The following PARD3 variants were observed in gnomAD, a reference collection of about 807,000 sequenced individuals.
PARD3 encodes the protein partitioning defective 3 homolog.
PARD3 carries 75 observed loss-of-function variants against 155.4 expected under a neutral mutation model. The ratio of observed to expected loss-of-function variants is 0.48; its 90% CI spans 0.40 to 0.58. PARD3 has a LOEUF of 0.58. Ranked by LOEUF, PARD3 falls within the 20% of genes least tolerant of loss-of-function variation. The pLI, the probability that PARD3 is intolerant of heterozygous loss-of-function variation, is 0.00. For synonymous variants in PARD3, 576 were observed against 610.5 expected, an observed-to-expected ratio of 0.94 and a Z score of 0.83; for missense variants, 1,642 against 1,721.7, an observed-to-expected ratio of 0.95 and a Z score of 0.82.
intron 2 of PARD3, among the ~76,000 whole-genome samples, chr10:34,647,955 AC>A (rs1364956191): frequency 6.6e-6 from 1 of 152,186 alleles, no homozygotes; most frequent in African/African-American, 2.4e-5. Context: ...GTGCAGTGAG[AC>A]CCCTGACATT....
At chr10:34,594,779 C>G (rs528900772) in intron 2 of PARD3, among the ~76,000 whole-genome samples, 4 of 152,202 alleles carry the variant, frequency 2.6e-5, no homozygotes, top group Admixed American at 2.6e-4. Context: ...CTATAGCAAA[C>G]ATCATACCAC....
chr10:34,506,317 T>C (rs994185935), intron 3 of PARD3, among the ~76,000 whole-genome samples: 1 of 152,104 alleles, frequency 6.6e-6, no homozygotes, highest in Non-Finnish European at 1.5e-5. Context: ...AGTTATGCCA[T>C]GAGTACAGAA....
intron 3 of PARD3, among the ~76,000 whole-genome samples, chr10:34,477,776 T>C (rs904538556): frequency 6.6e-6 from 1 of 152,254 alleles, no homozygotes; most frequent in African/African-American, 2.4e-5. Context: ...TCAAGGTATT[T>C]AATCGAATCT....
In PARD3 at chr10:34,111,507, A is replaced by G; in HGVS notation, c.3724T>C (p.Ser1242Pro). Residue 1242 changes from serine (S) to proline (P), a missense_variant, in exon 25 of 25, where the codon TCC (serine) becomes CCC (proline). By Grantham distance (74) the Ser-to-Pro change is moderately conservative. Around this residue, in one of 3 missense-constraint regions of PARD3, gnomAD observed 1,529 missense variants for 1,587.3 expected, o/e 0.96. Coordinates refer to ENST00000374788, the MANE Select transcript of PARD3 (RefSeq NM_001184785.2). ...VSQDSWEQNY[S>P]PGEGFQSAKE... ...GCACTCTGGAAGCCTTCCCCAGGGG[A>G]GTAGTTCTGCTCCCAAGAGTCCTGG... The G allele has an allele frequency of 6.2e-7, 1 of 1,613,668 alleles. No individual in the cohort carries two copies. The highest frequency in any genetic ancestry group is 8.5e-7 in the Non-Finnish European group (1 of 1,179,800).
chr10:34,686,389 A>G (rs964157171), intron 2 of PARD3, among the ~76,000 whole-genome samples: 2 of 152,034 alleles, frequency 1.3e-5, no homozygotes, highest in African/African-American at 4.8e-5. Context: ...CTATCCACCA[A>G]AGGCACTTCC....
At chr10:34,186,233 G>A (rs1374947120) in intron 22 of PARD3, among the ~76,000 whole-genome samples, 1 of 151,930 alleles carries the variant, frequency 6.6e-6, no homozygotes, top group African/African-American at 2.4e-5. Flanking sequence ...GGTAGCTCAC[G>A]CCTGTAATCC....
intron 1 of PARD3, among the ~76,000 whole-genome samples, chr10:34,776,265 G>C (rs961291291): frequency 6.6e-6 from 1 of 152,194 alleles, no homozygotes; most frequent in African/African-American, 2.4e-5. Flanking sequence ...CCATCTCTAA[G>C]CTCTGAGAAC....
At chr10:34,580,034 C>T (rs1434700106) in intron 2 of PARD3, among the ~76,000 whole-genome samples, 1 of 152,084 alleles carries the variant, frequency 6.6e-6, no homozygotes, top group Non-Finnish European at 1.5e-5. Context: ...CTGTCTCAGC[C>T]TCCTGTGTAA....
intron 22 of PARD3, among the ~76,000 whole-genome samples, chr10:34,145,541 ATCTATCAAGCCT>A (rs2132911134): frequency 6.6e-6 from 1 of 151,880 alleles, no homozygotes; most frequent in African/African-American, 2.4e-5. Context: ...TCTCAACCTC[ATCTATCAAGCCT>A]TCTATTGTGT....
At chr10:34,178,937 A>C (rs955737796) in intron 22 of PARD3, among the ~76,000 whole-genome samples, 2 of 152,202 alleles carry the variant, frequency 1.3e-5, no homozygotes, top group African/African-American at 4.8e-5. Context: ...AATTAGTGTC[A>C]GGACTTGATG....
chr10:34,608,243 C>A (rs556890400), intron 2 of PARD3, among the ~76,000 whole-genome samples: 230 of 152,314 alleles, frequency 1.5e-3, no homozygotes, highest in South Asian at 5.0e-3. Context: ...CTGACAGCCA[C>A]CCACAACCGT....
chr10:34,484,112 T>C (rs1318878538), intron 3 of PARD3, among the ~76,000 whole-genome samples: 1 of 152,140 alleles, frequency 6.6e-6, no homozygotes, highest in Admixed American at 6.5e-5. Flanking sequence ...TGGCACCAAA[T>C]AGCCCATGAA....
intron 2 of PARD3, among the ~76,000 whole-genome samples, chr10:34,529,773 A>C (rs569900223): frequency 6.6e-6 from 1 of 151,896 alleles, no homozygotes; most frequent in East Asian, 1.9e-4. Flanking sequence ...TTGTTCTGTC[A>C]CCCAGGCTGG....
In PARD3 at chr10:34,341,708, G is replaced by C; in HGVS notation, c.2327C>G (p.Ser776Cys). ...LPPHLSDQSS[S>C]SSHDDVGFVT... ...AAACCCCACATCATCATGGGAGCTG[G>C]AAGAGGACTGGTCAGAGAGATGTGG... is the stretch of plus-strand genomic sequence containing the variant. Residue 776 changes from serine (S) to cysteine (C), a missense_variant, in exon 16 of 25, where the codon TCC becomes TGC. By Grantham distance (112) the Ser-to-Cys change is moderately radical. This residue lies in a region of PARD3 where 1,529 missense variants were observed against 1,587.3 expected (regional missense o/e 0.96). Transcript: ENST00000374788. The C allele has an allele frequency of 6.2e-7, 1 of 1,614,012 alleles. No individual in the cohort carries two copies. The highest frequency in any genetic ancestry group is 8.5e-7 in the Non-Finnish European group (1 of 1,179,952).
intron 22 of PARD3, among the ~76,000 whole-genome samples, chr10:34,225,157 C>T (rs1003004694): frequency 6.6e-6 from 1 of 152,148 alleles, no homozygotes; most frequent in Non-Finnish European, 1.5e-5. Flanking sequence ...GGAACACAGA[C>T]ATATACACAT....
intron 1 of PARD3, among the ~76,000 whole-genome samples, chr10:34,750,212 T>C (rs936759811): frequency 2.6e-5 from 4 of 151,824 alleles, no homozygotes; most frequent in Non-Finnish European, 5.9e-5. Context: ...CAAAAAACGA[T>C]ATGGAAGTAC....
At chr10:34,601,994 T>A (rs759442982) in intron 2 of PARD3, among the ~76,000 whole-genome samples, 1 of 152,194 alleles carries the variant, frequency 6.6e-6, no homozygotes, top group Non-Finnish European at 1.5e-5. Context: ...ATTACTTGTA[T>A]AGAGATTGTT....
intron 21 of PARD3, among the ~76,000 whole-genome samples, chr10:34,270,916 T>G (rs1313029737): frequency 6.6e-6 from 1 of 152,196 alleles, no homozygotes; most frequent in East Asian, 1.9e-4. Flanking sequence ...AACTATTTGG[T>G]ACAATGTCCT....
At chr10:34,788,038 C>G (rs1841197398) in intron 1 of PARD3, among the ~76,000 whole-genome samples, 1 of 151,338 alleles carries the variant, frequency 6.6e-6, no homozygotes, top group Admixed American at 6.6e-5. Flanking sequence ...CCTGCTTTGG[C>G]CTCCGAAAGT....
Sources: gnomAD v4.1 joint callset for allele counts (sites outside exome capture counted in the v4.1 genomes callset) on GRCh38, gnomAD v4.1.1 for gene constraint, gnomAD v4.1.1 regional missense constraint, MANE v1.5 for transcripts, NCBI Gene and HGNC (gene_info 2026-07-23, HGNC 2026-07-21) for gene names.